The following FGF14 variants were observed in gnomAD, a reference collection of about 807,000 sequenced individuals.
FGF14 encodes the protein fibroblast growth factor 14, also known as fibroblast growth factor homologous factor 4.
Under a neutral mutation model 25.5 loss-of-function variants are expected in FGF14, and 5 were observed. The observed-to-expected ratio is 0.20, with a 90% CI of 0.10 to 0.41. The LOEUF is 0.41. Ranked by LOEUF, FGF14 falls within the 10% of genes least tolerant of loss-of-function variation. The pLI, the probability that FGF14 is intolerant of heterozygous loss-of-function variation, is 1.00. For missense variants in FGF14, 222 were observed against 320.1 expected, an observed-to-expected ratio of 0.69 and a Z score of 2.34; for synonymous variants, 138 against 118.3, an observed-to-expected ratio of 1.17 and a Z score of -1.08.
At chr13:102,176,692 AG>A (rs1443257887) in intron 1 of FGF14, among the ~76,000 whole-genome samples, 3 of 152,160 alleles carry the variant, frequency 2.0e-5, no homozygotes, top group African/African-American at 7.2e-5. Flanking sequence ...CTAAAAGGAT[AG>A]ATATCATGCT....
intron 1 of FGF14, among the ~76,000 whole-genome samples, chr13:102,304,199 C>G (rs1240273645): frequency 6.6e-6 from 1 of 152,120 alleles, no homozygotes; most frequent in East Asian, 1.9e-4. Flanking sequence ...TTCTCTGAAA[C>G]CCAGTCCCTA....
At chr13:102,037,488 T>G (rs769099115) in intron 1 of FGF14, among the ~76,000 whole-genome samples, 6 of 152,238 alleles carry the variant, frequency 3.9e-5, no homozygotes, top group Non-Finnish European at 7.4e-5. Context: ...CTAATTATAA[T>G]GAGCTGCTTG....
intron 1 of FGF14, among the ~76,000 whole-genome samples, chr13:102,209,053 G>A (rs563900395): frequency 1.6e-4 from 25 of 152,348 alleles, no homozygotes; most frequent in South Asian, 1.0e-3. Context: ...ACAGCTATGA[G>A]AGGTACTCCC....
intron 3 of FGF14, among the ~76,000 whole-genome samples, chr13:101,750,371 A>G (rs2037192660): frequency 6.6e-6 from 1 of 152,186 alleles, no homozygotes; most frequent in South Asian, 2.1e-4. Context: ...AATGACAAAA[A>G]AAAATGCAGG....
intron 1 of FGF14, among the ~76,000 whole-genome samples, chr13:102,105,999 A>G (rs1028188851): frequency 2.3e-4 from 35 of 152,230 alleles, no homozygotes; most frequent in African/African-American, 7.7e-4. Context: ...TGTAATAAAT[A>G]TATCATTGAT....
At chr13:102,107,297 A>C (rs1276543374) in intron 1 of FGF14, among the ~76,000 whole-genome samples, 1 of 152,226 alleles carries the variant, frequency 6.6e-6, no homozygotes, top group Non-Finnish European at 1.5e-5. Flanking sequence ...AATGAGTGCC[A>C]CAGTATTTAA....
chr13:102,154,613 G>A (rs1213535819), intron 1 of FGF14, among the ~76,000 whole-genome samples: 12 of 152,086 alleles, frequency 7.9e-5, no homozygotes, highest in African/African-American at 2.7e-4. Context: ...ATCAACTAAC[G>A]AGCAAAATAA....
At chr13:101,829,132 C>A (rs1291862718) in intron 3 of FGF14, among the ~76,000 whole-genome samples, 1 of 151,990 alleles carries the variant, frequency 6.6e-6, no homozygotes, top group Non-Finnish European at 1.5e-5. Context: ...AAAGCAAAGT[C>A]AAGGAATAAT....
intron 3 of FGF14, among the ~76,000 whole-genome samples, chr13:101,786,966 A>G (rs557122305): frequency 6.6e-6 from 1 of 152,306 alleles, no homozygotes; most frequent in East Asian, 1.9e-4. Context: ...GATGACTCAC[A>G]TCATGTCGCT....
chr13:101,941,677 ATAAAT>A (rs981206550), intron 1 of FGF14, among the ~76,000 whole-genome samples: 35 of 152,354 alleles, frequency 2.3e-4, no homozygotes, highest in African/African-American at 7.2e-4. Flanking sequence ...GTCTAGTTAA[ATAAAT>A]TAAATTCTTA....
upstream of FGF14, chr13:102,402,368 G>A (rs2058716492): frequency 6.6e-6 from 1 of 152,264 alleles, no homozygotes; most frequent in Non-Finnish European, 1.5e-5. Flanking sequence ...TCCAACAACC[G>A]TGAGCATGAG....
At chr13:102,035,920 G>A (rs1304320604) in intron 1 of FGF14, among the ~76,000 whole-genome samples, 2 of 152,124 alleles carry the variant, frequency 1.3e-5, no homozygotes, top group African/African-American at 2.4e-5. Context: ...AAGGGGACAC[G>A]AGTCAGAAAG....
At chr13:101,810,522 GT>G (rs1173931868) in intron 3 of FGF14, among the ~76,000 whole-genome samples, 2 of 152,146 alleles carry the variant, frequency 1.3e-5, no homozygotes, top group African/African-American at 4.8e-5. Context: ...ACTGCTACAT[GT>G]CATGCTTCTT....
At chr13:102,370,005 T>A (rs996296856) in intron 1 of FGF14, among the ~76,000 whole-genome samples, 1 of 152,160 alleles carries the variant, frequency 6.6e-6, no homozygotes, top group Non-Finnish European at 1.5e-5. Flanking sequence ...ATCTTTTTTT[T>A]TTTTGAGACA....
chr13:102,071,387 T>C (rs2043147960), intron 1 of FGF14, among the ~76,000 whole-genome samples: 2 of 152,230 alleles, frequency 1.3e-5, no homozygotes, highest in South Asian at 4.1e-4. Flanking sequence ...ATGCTTCAGC[T>C]ATCTTCTGGA....
At chr13:101,991,539 T>G (rs1231175077) in intron 1 of FGF14, among the ~76,000 whole-genome samples, 1 of 152,120 alleles carries the variant, frequency 6.6e-6, no homozygotes, top group Non-Finnish European at 1.5e-5. Context: ...ACTCCCATTC[T>G]CGTAACAAGA....
Position 101,715,368 on chromosome 13 carries a change from T to C in FGF14, c.*7463A>G. 1 of 569,524 alleles carries C rather than the reference T, an allele frequency of 1.8e-6. No individual in the cohort carries two copies. Among genetic ancestry groups the C allele is most frequent in the South Asian group, 2.1e-5 (1 of 46,830 alleles). 35.3% of individuals were successfully genotyped at this position (569,524 alleles called of 1,614,324 possible). A position where few individuals can be genotyped will look rare whatever the true frequency, so the allele number is the denominator to read the frequency against. On this transcript the variant is annotated 3_prime_UTR_variant, in exon 5 of 5. Coordinates refer to ENST00000376143, the MANE Select transcript of FGF14 (RefSeq NM_004115.4). ...TCGGTAAAGGGTGGCACCAAATAAATGCCACTAATTGTTTGAAAGATTAGA... is the reference window on the plus strand; with the variant it reads ...TCGGTAAAGGGTGGCACCAAATAAACGCCACTAATTGTTTGAAAGATTAGA...
At chr13:102,375,376 G>A (rs1310368578) in intron 1 of FGF14, among the ~76,000 whole-genome samples, 1 of 152,158 alleles carries the variant, frequency 6.6e-6, no homozygotes, top group Non-Finnish European at 1.5e-5. Context: ...AAATCAGCCA[G>A]TATATAGTGT....
chr13:101,872,816 A>G (rs2045179365), intron 2 of FGF14, among the ~76,000 whole-genome samples: 1 of 152,108 alleles, frequency 6.6e-6, no homozygotes, highest in South Asian at 2.1e-4. Context: ...CTTGAAATGC[A>G]ATATAATGTC....
Sources: allele counts gnomAD v4.1 joint callset (sites outside exome capture counted in the v4.1 genomes callset), GRCh38; gene constraint gnomAD v4.1.1; transcripts MANE v1.5; gene names NCBI Gene and HGNC (gene_info 2026-07-23, HGNC 2026-07-21).